ZWILCH: variants seen among roughly 807,000 people sequenced by gnomAD.
ZWILCH encodes the protein zwilch kinetochore protein.
A neutral mutation model predicts 79.9 loss-of-function variants in ZWILCH; 74 were observed. The observed-to-expected ratio is 0.93, with a 90% CI of 0.77 to 1.12. ZWILCH has a LOEUF of 1.12. ZWILCH is among the 50% of genes most tolerant of loss of function. The pLI, the probability that ZWILCH is intolerant of heterozygous loss-of-function variation, is 0.00. For synonymous variants in ZWILCH, 241 were observed against 228.2 expected (o/e 1.06, Z -0.51); for missense variants, 694 against 687.5 (o/e 1.01, Z -0.11).
chr15:66,549,174 G>A lies in ZWILCH; in HGVS notation c.*850G>A, dbSNP rs1010669716. 1 of 152,142 alleles carries A rather than the reference G, an allele frequency of 6.6e-6. No homozygotes were observed. Among genetic ancestry groups the A allele is most frequent in the Non-Finnish European group, 1.5e-5 (1 of 68,064 alleles). The allele number at this position is 152,142 out of a possible 1,614,324, so 9.4% of individuals were successfully genotyped here. A position where few individuals can be genotyped will look rare whatever the true frequency, so the allele number is the denominator to read the frequency against. On this transcript the variant is annotated 3_prime_UTR_variant, in exon 19 of 19. Coordinates refer to ENST00000307897, the MANE Select transcript of ZWILCH (RefSeq NM_017975.5). ...TTTATCTTGTGTGCTGGGTACTCTG[G>A]TTACTGAGATAAATAAGGCACTGGA...
chr15:66,508,695 C>A, intron 1 of ZWILCH, 146 bp from the exon 2 acceptor site: 1 of 1,387,400 alleles, frequency 7.2e-7, no homozygotes, highest in Non-Finnish European at 9.4e-7. Context: ...TCTCTCTCTG[C>A]AACTACATCT....
chr15:66,537,118 T>G, intron 15 of ZWILCH, 50 bp from the exon 16 acceptor site: 1 of 1,458,822 alleles, frequency 6.9e-7, no homozygotes, highest in Non-Finnish European at 9.5e-7. Flanking sequence ...AGAAAAACGT[T>G]ATGTCAAATG....
intron 4 of ZWILCH, among the ~76,000 whole-genome samples, chr15:66,517,726 C>CTTTTTTT (rs1161719182): frequency 3.4e-5 from 2 of 58,228 alleles, no homozygotes; most frequent in Non-Finnish European, 6.1e-5. Context: ...CTTTTCTTTC[C>CTTTTTTT]TTTTTTTTTT....
chr15:66,511,651 C>G (rs1457844071), intron 2 of ZWILCH, among the ~76,000 whole-genome samples: 1 of 151,972 alleles, frequency 6.6e-6, no homozygotes, highest in Admixed American at 6.6e-5. Context: ...TGGAGTCACT[C>G]TGTCATCCAG....
Position 66,519,052 on chromosome 15 carries a change from T to C in ZWILCH, c.494T>C (p.Ile165Thr). The C allele has an allele frequency of 6.2e-7, 1 of 1,614,192 alleles. No individual in the cohort carries two copies. Reference sequence around the variant, plus strand: ...ACAACAAACAACAGCATTACAGGAATTGTCTTATATGTGGTCAGTTGTAAA... The same window carrying C: ...ACAACAAACAACAGCATTACAGGAACTGTCTTATATGTGGTCAGTTGTAAA... ...LITTNNSITG[I>T]VLYVVSCKAD... The change falls in exon 5 of 19, where the codon ATT (isoleucine) becomes ACT (threonine). Residue 165 changes from isoleucine (I) to threonine (T), a missense_variant. By Grantham distance (89) the Ile-to-Thr change is moderately conservative (BLOSUM62 -1). Coordinates refer to ENST00000307897, the MANE Select transcript of ZWILCH (RefSeq NM_017975.5).
At chr15:66,517,135 C>G (rs185833715) in intron 4 of ZWILCH, among the ~76,000 whole-genome samples, 4 of 151,934 alleles carry the variant, frequency 2.6e-5, no homozygotes, top group Admixed American at 2.0e-4. Flanking sequence ...GATACACTTT[C>G]AAATTTATGG....
At chr15:66,543,170 G>T (rs1354374291) in intron 17 of ZWILCH, among the ~76,000 whole-genome samples, 1 of 152,200 alleles carries the variant, frequency 6.6e-6, no homozygotes, top group East Asian at 1.9e-4. Flanking sequence ...TTGCACTTCA[G>T]CCTGGGTGGC....
intron 1 of ZWILCH, chr15:66,505,636 GA>G (rs1165869420): frequency 3.7e-6 from 2 of 540,506 alleles, no homozygotes; most frequent in Non-Finnish European, 6.4e-6. Flanking sequence ...AGTGTTCCAA[GA>G]GGCGATTTAT....
At chr15:66,532,438 C>T in intron 13 of ZWILCH, 35 bp downstream of exon 13, 1 of 1,559,752 alleles carries the variant, frequency 6.4e-7, no homozygotes, top group African/African-American at 1.4e-5. Context: ...AATTAAAAAA[C>T]ACATCACAGT....
Position 66,532,972 on chromosome 15 carries a change from T to C in ZWILCH, c.1313-13T>C, listed in dbSNP as rs752230838. 1.3e-6 allele frequency: 2 copies of C among 1,555,492 alleles called. No homozygotes were observed. Among genetic ancestry groups the C allele is most frequent in the South Asian group, 2.5e-5 (2 of 79,914 alleles). On this transcript the variant is annotated splice_polypyrimidine_tract_variant and intron_variant, in intron 13 of 18. Coordinates refer to ENST00000307897, the MANE Select transcript of ZWILCH (RefSeq NM_017975.5). ...CTGAAGTGTTTTTGCATGTATGTGT[T>C]TTTTCTTAATAGGTCAGGAACTTGC...
At chr15:66,528,989 CTTAT>C (rs1894777262) in intron 11 of ZWILCH, 32 bp downstream of exon 11, 1 of 1,553,980 alleles carries the variant, frequency 6.4e-7, no homozygotes, top group African/African-American at 1.4e-5. Flanking sequence ...AATTTTTCCT[CTTAT>C]TTCTTAGGTT....
intron 14 of ZWILCH, among the ~76,000 whole-genome samples, chr15:66,535,501 T>G (rs1224887387): frequency 6.6e-6 from 1 of 151,970 alleles, no homozygotes; most frequent in African/African-American, 2.4e-5. Flanking sequence ...CGTGGTGAAT[T>G]CCTGTCTCTA....
chr15:66,507,379 A>T (rs572651078), intron 1 of ZWILCH, among the ~76,000 whole-genome samples: 2 of 152,014 alleles, frequency 1.3e-5, no homozygotes, highest in African/African-American at 4.8e-5. Flanking sequence ...TCCTCCATCC[A>T]TGCTCTTTTC....
At chr15:66,513,940 GA>G (rs1894163291) in intron 2 of ZWILCH, 47 bp from the exon 3 acceptor site, 1 of 1,404,880 alleles carries the variant, frequency 7.1e-7, no homozygotes, top group Non-Finnish European at 9.9e-7. Context: ...TTAGATAGTA[GA>G]AATATATAAG....
chr15:66,507,791 G>A (rs1893882283), intron 1 of ZWILCH, among the ~76,000 whole-genome samples: 1 of 152,066 alleles, frequency 6.6e-6, no homozygotes, highest in Non-Finnish European at 1.5e-5. Context: ...AAATTAACCC[G>A]GCGTGGTGGC....
intron 17 of ZWILCH, among the ~76,000 whole-genome samples, chr15:66,544,723 TTTG>T (rs1003659643): frequency 3.0e-4 from 34 of 114,880 alleles, no homozygotes; most frequent in East Asian, 8.1e-4. Flanking sequence ...TTTTTTGGTT[TTTG>T]TGTGTGTGTG....
intron 17 of ZWILCH, among the ~76,000 whole-genome samples, chr15:66,540,715 G>C (rs1432974283): frequency 1.3e-5 from 2 of 149,258 alleles, no homozygotes; most frequent in Non-Finnish European, 3.0e-5. Flanking sequence ...TGCAGCCTCC[G>C]CCTCCTGGGT....
chr15:66,549,982 G>C lies in ZWILCH; in HGVS notation c.*1658G>C, dbSNP rs1040131084. 3 of 1,130,860 alleles carry C rather than the reference G, an allele frequency of 2.7e-6. No individual in the cohort carries two copies. In the African/African-American group the frequency reaches 4.9e-5, roughly 19 times the overall value. 70.1% of individuals were successfully genotyped at this position (1,130,860 alleles called of 1,614,324 possible). Reference sequence around the variant, plus strand: ...AGCCACATTTTGAGATTTTGAAAATGATATGTATAATTATTTAGTTTAATT... The same window carrying C: ...AGCCACATTTTGAGATTTTGAAAATCATATGTATAATTATTTAGTTTAATT... On this transcript the variant is annotated 3_prime_UTR_variant, in exon 19 of 19. Coordinates refer to ENST00000307897, the MANE Select transcript of ZWILCH (RefSeq NM_017975.5).
At chr15:66,546,879 C>G (rs1311983793) in intron 18 of ZWILCH, 174 bp downstream of exon 18, 1 of 273,888 alleles carries the variant, frequency 3.7e-6, no homozygotes, top group Non-Finnish European at 6.8e-6. Context: ...AATTTTCTTT[C>G]TACCTTTTGT....
Sources: allele counts gnomAD v4.1 joint callset (sites outside exome capture counted in the v4.1 genomes callset), GRCh38; gene constraint gnomAD v4.1.1; transcripts MANE v1.5; gene names NCBI Gene and HGNC (gene_info 2026-07-23, HGNC 2026-07-21).